The following RALGAPA2 variants were observed in gnomAD, a reference collection of about 807,000 sequenced individuals.
RALGAPA2 encodes the protein ral GTPase-activating protein subunit alpha-2.
In RALGAPA2, 139 loss-of-function variants were observed where a neutral mutation model predicts 230.4. That is an observed-to-expected ratio of 0.60 (90% CI 0.53 to 0.69). The LOEUF (loss-of-function observed/expected upper bound fraction) is 0.69. Among genes scored for constraint, RALGAPA2 ranks in the 30% least tolerant of loss-of-function variants. The probability of loss-of-function intolerance (pLI) is 0.00; values close to 1 mark genes in which losing one functional copy is unlikely to be tolerated. For synonymous variants in RALGAPA2, 847 were observed against 837.8 expected (o/e 1.01, Z -0.19); for missense variants, 2,163 against 2,276.0 (o/e 0.95, Z 1.01).
chr20:20,538,893 C>T (rs944644528), intron 24 of RALGAPA2, among the ~76,000 whole-genome samples: 1 of 152,160 alleles, frequency 6.6e-6, no homozygotes, highest in Non-Finnish European at 1.5e-5. Flanking sequence ...ATAGCCTCCC[C>T]TCCTGCAAAG....
chr20:20,530,014 T>G (rs1209503070), intron 27 of RALGAPA2, among the ~76,000 whole-genome samples: 5 of 152,268 alleles, frequency 3.3e-5, no homozygotes, highest in African/African-American at 1.2e-4. Flanking sequence ...AATTGGAATC[T>G]ACATTGATCT....
chr20:20,415,325 C>A (rs971933616), intron 37 of RALGAPA2, among the ~76,000 whole-genome samples: 1 of 152,214 alleles, frequency 6.6e-6, no homozygotes, highest in Non-Finnish European at 1.5e-5. Flanking sequence ...AAAGAGGCAC[C>A]AGGTCACCAA....
At chr20:20,531,366 G>T (rs1477367270) in intron 27 of RALGAPA2, among the ~76,000 whole-genome samples, 1 of 152,188 alleles carries the variant, frequency 6.6e-6, no homozygotes, top group Non-Finnish European at 1.5e-5. Flanking sequence ...CTGCTGAAGA[G>T]GCCAGAGCAC....
chr20:20,679,651 C>T (rs1423437513), intron 2 of RALGAPA2, among the ~76,000 whole-genome samples: 1 of 152,126 alleles, frequency 6.6e-6, no homozygotes, highest in African/African-American at 2.4e-5. Context: ...GTCGTAAGAA[C>T]AGCCCTACCT....
intron 5 of RALGAPA2, 38 bp downstream of exon 5, chr20:20,643,468 G>A (rs747571122): frequency 1.4e-6 from 2 of 1,443,160 alleles, no homozygotes; most frequent in East Asian, 2.6e-5. Context: ...ACAAATTTAA[G>A]AGTAATAAAA....
At chr20:20,475,557 C>A (rs911799103) in intron 36 of RALGAPA2, among the ~76,000 whole-genome samples, 8 of 151,908 alleles carry the variant, frequency 5.3e-5, no homozygotes, top group Non-Finnish European at 8.8e-5. Flanking sequence ...CAAAACAGAA[C>A]AAAAACTCTC....
intron 37 of RALGAPA2, among the ~76,000 whole-genome samples, chr20:20,443,298 T>A (rs1033474140): frequency 5.3e-5 from 8 of 152,166 alleles, no homozygotes; most frequent in African/African-American, 1.9e-4. Flanking sequence ...ATAAAAAGCA[T>A]CTTTTTGGGT....
chr20:20,640,594 T>C lies in RALGAPA2; in HGVS notation c.550+107A>G. On this transcript the variant is annotated intron_variant, in intron 6 of 39. Transcript: ENST00000202677. ...GTGAATATGAAAGGGGAATAATTCC[T>C]CTTCAGACTCCATCAGGATTTCTAT... 4 of 1,106,188 alleles carry C rather than the reference T, an allele frequency of 3.6e-6. No individual in the cohort carries two copies. In the South Asian group the frequency reaches 6.6e-5, roughly 18 times the overall value. The allele number at this position is 1,106,188 out of a possible 1,614,324, so 68.5% of individuals were successfully genotyped here. A position where few individuals can be genotyped will look rare whatever the true frequency, so the allele number is the denominator to read the frequency against.
At chr20:20,453,663 C>T (rs1307606252) in intron 37 of RALGAPA2, among the ~76,000 whole-genome samples, 1 of 152,226 alleles carries the variant, frequency 6.6e-6, no homozygotes, top group Non-Finnish European at 1.5e-5. Flanking sequence ...CTGGGCTGCA[C>T]TCTGCATCAC....
chr20:20,429,457 C>T (rs1018374216), intron 37 of RALGAPA2, among the ~76,000 whole-genome samples: 2 of 152,142 alleles, frequency 1.3e-5, no homozygotes, highest in Non-Finnish European at 2.9e-5. Flanking sequence ...TAAATGGTGA[C>T]TTTCTAGCTA....
At chr20:20,580,408 C>G (rs1361912096) in intron 20 of RALGAPA2, among the ~76,000 whole-genome samples, 1 of 152,148 alleles carries the variant, frequency 6.6e-6, no homozygotes, top group African/African-American at 2.4e-5. Flanking sequence ...TTCTCTAGTT[C>G]TCACATACTA....
chr20:20,469,113 T>C (rs899308192), intron 37 of RALGAPA2, among the ~76,000 whole-genome samples: 1 of 152,200 alleles, frequency 6.6e-6, no homozygotes, highest in African/African-American at 2.4e-5. Context: ...CACATTTCTA[T>C]TCCTAGCGGC....
chr20:20,659,306 G>A (rs1012580559), intron 3 of RALGAPA2, among the ~76,000 whole-genome samples: 11 of 152,132 alleles, frequency 7.2e-5, no homozygotes, highest in Non-Finnish European at 1.6e-4. Flanking sequence ...TGCTGTCTTA[G>A]GCCTGGACAC....
At chr20:20,464,121 C>A (rs1270252689) in intron 37 of RALGAPA2, among the ~76,000 whole-genome samples, 2 of 152,164 alleles carry the variant, frequency 1.3e-5, no homozygotes, top group East Asian at 3.9e-4. Context: ...AACCTTCCCG[C>A]AACAGACCCT....
rs1429937455 is a variant in RALGAPA2 at position 20,437,379 on chromosome 20, C to A, written c.5496-25231G>T. Among the ~76,000 whole-genome samples, 1 of 152,218 alleles carries A rather than the reference C, an allele frequency of 6.6e-6. No homozygotes were observed. Among genetic ancestry groups the A allele is most frequent in the Non-Finnish European group, 1.5e-5 (1 of 68,032 alleles). ...CAGGCCACGCCATTGTCATTTCGTT[C>A]CTGGATTATGGCTGTGGCCTCCTAC... On this transcript the variant is annotated intron_variant, in intron 37 of 39. Transcript: ENST00000202677. The surrounding 1 kb of genome is among the most constrained non-coding windows in gnomAD (Gnocchi z 4.1).
intron 37 of RALGAPA2, 55 bp from the exon 38 acceptor site, chr20:20,412,203 T>C: frequency 1.9e-6 from 3 of 1,601,964 alleles, no homozygotes; most frequent in Non-Finnish European, 1.7e-6. Flanking sequence ...TGCAGAGCAG[T>C]GACAGAATTC....
intron 37 of RALGAPA2, among the ~76,000 whole-genome samples, chr20:20,444,006 G>C (rs535228657): frequency 6.6e-6 from 1 of 152,222 alleles, no homozygotes; most frequent in Non-Finnish European, 1.5e-5. Context: ...GTGGTTAATC[G>C]GCACTGATGC....
chr20:20,404,372 T>C (rs553905757), intron 38 of RALGAPA2, among the ~76,000 whole-genome samples: 18 of 152,296 alleles, frequency 1.2e-4, no homozygotes, highest in Admixed American at 9.2e-4. Flanking sequence ...TAGTACAAAA[T>C]ATTCTTTCTT....
At chr20:20,544,338 C>CA (rs78312536) in intron 24 of RALGAPA2, among the ~76,000 whole-genome samples, 11,184 of 89,222 alleles carry the variant, frequency 0.13, 621 homozygotes, top group East Asian at 0.22. Context: ...GACTCTGTCT[C>CA]AAAAAAAAAA....
Sources: gnomAD v4.1 joint callset for allele counts (sites outside exome capture counted in the v4.1 genomes callset) on GRCh38, gnomAD v4.1.1 for gene constraint, Gnocchi (gnomAD v3.1) non-coding constraint, MANE v1.5 for transcripts, NCBI Gene and HGNC (gene_info 2026-07-23, HGNC 2026-07-21) for gene names.